The following SLC6A12 variants were observed in gnomAD, a reference collection of about 807,000 sequenced individuals.
SLC6A12 encodes the protein solute carrier family 6 member 12.
Under a neutral mutation model 73.3 loss-of-function variants are expected in SLC6A12, and 50 were observed. That is an observed-to-expected ratio of 0.68 (90% CI 0.54 to 0.86). The LOEUF (loss-of-function observed/expected upper bound fraction) is 0.86, where lower values mean the gene tolerates loss of function less well. Among genes scored for constraint, SLC6A12 ranks in the 40% least tolerant of loss-of-function variants. The probability of loss-of-function intolerance (pLI) is 0.00; values close to 1 mark genes in which losing one functional copy is unlikely to be tolerated. For missense variants in SLC6A12, 648 were observed against 772.8 expected, an observed-to-expected ratio of 0.84 and a Z score of 1.92; for synonymous variants, 304 against 309.2, an observed-to-expected ratio of 0.98 and a Z score of 0.18.
downstream of SLC6A12, among the ~76,000 whole-genome samples, chr12:187,534 A>G (rs547889344): frequency 7.0e-6 from 1 of 142,658 alleles, no homozygotes; most frequent in Admixed American, 7.3e-5. Context: ...GTTACACCTC[A>G]TAAAGGCAGA....
rs539852975 is a variant in SLC6A12 at position 210,077 on chromosome 12, C to A, written c.-57-34G>T. On this transcript the variant is annotated intron_variant, in intron 2 of 15. Transcript: ENST00000684302. Reference sequence around the variant, plus strand: ...AAGAGAAGAAATTAGCTGTAAAACCCGACATGCTCCCGCCAGCCCTGCTTT... The same window carrying A: ...AAGAGAAGAAATTAGCTGTAAAACCAGACATGCTCCCGCCAGCCCTGCTTT... The A allele has an allele frequency of 2.6e-6, 4 of 1,520,862 alleles. No homozygotes were observed. In the African/African-American group the frequency reaches 4.1e-5, roughly 16 times the overall value. The allele number at this position is 1,520,862 out of a possible 1,614,324, so 94.2% of individuals were successfully genotyped here. A position where few individuals can be genotyped will look rare whatever the true frequency, so the allele number is the denominator to read the frequency against.
intron 4 of SLC6A12, chr12:204,207 C>CAT: frequency 3.9e-6 from 1 of 257,586 alleles, no homozygotes; most frequent in South Asian, 5.8e-5. Context: ...GGAGGCACAG[C>CAT]ACCCCGGGAG....
At position 200,251 on chromosome 12, in the gene SLC6A12, G is replaced by C. The variant is rs1193228075; in HGVS notation, c.711+400C>G. On this transcript the variant is annotated intron_variant, in intron 7 of 15. Transcript: ENST00000684302. ...AGCCTCCTGCATAGCTGGGACTACA[G>C]GTGCCCACCACCACGCCCGGCTAAT... Among the ~76,000 whole-genome samples the C allele has an allele frequency of 5.3e-5, 8 of 150,856 alleles. No individual in the cohort carries two copies. The South Asian group carries it at 1.5e-3, about 28-fold the overall frequency.
At position 209,959 on chromosome 12, in the gene SLC6A12, A is replaced by G. The variant is rs557881; in HGVS notation, c.28T>C (p.Cys10Arg). MDGKVAVQE[C>R]GPPAVSWVPE... ...ACCCAGGAGACTGCAGGAGGCCCACACTCTTGCACTGCCACCTTCCCGTCC... is the reference window on the plus strand; with the variant it reads ...ACCCAGGAGACTGCAGGAGGCCCACGCTCTTGCACTGCCACCTTCCCGTCC... The change falls in exon 3 of 16, where the codon TGT becomes CGT. Residue 10 changes from cysteine (C) to arginine (R), a missense_variant. Cys to Arg is a radical substitution (Grantham distance 180, BLOSUM62 -3). Coordinates refer to ENST00000684302, the MANE Select transcript of SLC6A12 (RefSeq NM_001122848.3). The G allele has an allele frequency of 0.52, 844,966 of 1,613,410 alleles. 224,172 individuals carry two copies. Among genetic ancestry groups the G allele is most frequent in the African/African-American group, 0.7 (52,818 of 74,960 alleles).
chr12:192,447 T>C (rs1351746591), intron 15 of SLC6A12, 31 bp downstream of exon 15: 2 of 1,601,166 alleles, frequency 1.2e-6, no homozygotes, highest in South Asian at 2.2e-5. Context: ...GTGCCCTCCT[T>C]TAAGAGGTCA....
intron 9 of SLC6A12, 34 bp from the exon 10 acceptor site, chr12:197,535 G>A (rs939641953): frequency 5.0e-6 from 8 of 1,598,066 alleles, no homozygotes; most frequent in Non-Finnish European, 6.8e-6. Flanking sequence ...ACAGGAACGG[G>A]GAGGAAAAGA....
At chr12:201,567 T>A in intron 6 of SLC6A12, 195 bp downstream of exon 6, 1 of 574,402 alleles carries the variant, frequency 1.7e-6, no homozygotes, top group East Asian at 3.0e-5. Context: ...TAAATGTGAG[T>A]CTCCGTGGAC....
intron 6 of SLC6A12, 23 bp from the exon 7 acceptor site, chr12:200,806 T>C (rs1940219544): frequency 6.2e-7 from 1 of 1,610,282 alleles, no homozygotes; most frequent in East Asian, 2.2e-5. Context: ...GAAAAATAAG[T>C]AATGAGGGGA....
chr12:197,768 C>A (rs1939995016), intron 9 of SLC6A12, 132 bp downstream of exon 9: 1 of 684,448 alleles, frequency 1.5e-6, no homozygotes, highest in East Asian at 2.7e-5. Context: ...GGGAAAGGAA[C>A]CCATAAGTTC....
downstream of SLC6A12, among the ~76,000 whole-genome samples, chr12:185,892 G>A (rs558021256): frequency 2.1e-4 from 32 of 152,356 alleles, no homozygotes; most frequent in African/African-American, 6.5e-4. Flanking sequence ...TCCCATGGCC[G>A]CTGCATCAAT....
In SLC6A12 at chr12:201,653, G is replaced by A. The variant is rs1402014782; in HGVS notation, c.578+109C>T. 7 of 854,882 alleles carry A rather than the reference G, an allele frequency of 8.2e-6. No homozygotes were observed. In the East Asian group the frequency reaches 1.5e-4, roughly 18 times the overall value. 53.0% of individuals were successfully genotyped at this position (854,882 alleles called of 1,614,324 possible). ...GTTGGAGTGGGGCGGGGGAGGAAGTGCTGGAAAGCACACACAGAATCTTAA... is the reference window on the plus strand; with the variant it reads ...GTTGGAGTGGGGCGGGGGAGGAAGTACTGGAAAGCACACACAGAATCTTAA... On this transcript the variant is annotated intron_variant, in intron 6 of 15. Coordinates refer to ENST00000684302, the MANE Select transcript of SLC6A12 (RefSeq NM_001122848.3).
intron 3 of SLC6A12, among the ~76,000 whole-genome samples, chr12:207,122 C>T (rs982329006): frequency 1.3e-5 from 2 of 152,264 alleles, no homozygotes; most frequent in Non-Finnish European, 2.9e-5. Flanking sequence ...GTTTTTAGAA[C>T]GCTGACACTG....
intron 5 of SLC6A12, 69 bp from the exon 6 acceptor site, chr12:201,918 G>A: frequency 7.2e-7 from 1 of 1,387,198 alleles, no homozygotes; most frequent in Non-Finnish European, 1.0e-6. Context: ...CTGGCCCTCT[G>A]GCCTTGCAGC....
At chr12:186,485 G>C (rs1167476040), downstream of SLC6A12, among the ~76,000 whole-genome samples, 2 of 152,218 alleles carry the variant, frequency 1.3e-5, no homozygotes, top group Non-Finnish European at 2.9e-5. Context: ...GGGCCCACTT[G>C]GCTGGGCATT....
intron 13 of SLC6A12, 108 bp from the exon 14 acceptor site, chr12:193,485 G>A (rs1939712625): frequency 2.6e-6 from 2 of 759,760 alleles, no homozygotes; most frequent in Non-Finnish European, 4.4e-6. Context: ...CCCCCGCCCT[G>A]TGCAGGGAAA....
rs1168090804 is a variant in SLC6A12, at chr12:202,892, G to A, written c.350-12C>T. On this transcript the variant is annotated splice_polypyrimidine_tract_variant and intron_variant, in intron 4 of 15. Coordinates refer to ENST00000684302, the MANE Select transcript of SLC6A12 (RefSeq NM_001122848.3). ...TGCCAGACCAATGCCTTCCAGAGTG[G>A]GGGAGAGATGGGGAGGGACAAGAGA... 15 of 1,612,752 alleles carry A rather than the reference G, an allele frequency of 9.3e-6. No homozygotes were observed. Among genetic ancestry groups the A allele is most frequent in the Non-Finnish European group, 1.1e-5 (13 of 1,179,248 alleles).
Position 195,232 on chromosome 12 carries a change from C to T in SLC6A12, c.1422G>A (p.Trp474Ter). 1 of 1,605,672 alleles carries T rather than the reference C, an allele frequency of 6.2e-7. No homozygotes were observed. The highest frequency in any genetic ancestry group is 8.5e-7 in the Non-Finnish European group (1 of 1,172,288). The change falls in exon 13 of 16, where the codon TGG becomes TGA. Residue 474 changes from tryptophan to a stop codon, truncating the protein, a stop_gained. Transcript: ENST00000684302. LOFTEE classifies it high-confidence loss of function. ...LSLFEVVCIS[W>*]VYGADRFYDN... ...CCACTCCACCCCACTCACCATACACCCAGCTTATGCAGACCACTTCAAACA... is the reference window on the plus strand; with the variant it reads ...CCACTCCACCCCACTCACCATACACTCAGCTTATGCAGACCACTTCAAACA...
At chr12:184,729 G>C in the SLC6A12 span, among the ~76,000 whole-genome samples, 1 of 151,840 alleles carries the variant, frequency 6.6e-6, no homozygotes, top group South Asian at 2.1e-4. Context: ...TAGCCTGGGC[G>C]ACAGAGCAAG....
intron 13 of SLC6A12, among the ~76,000 whole-genome samples, chr12:193,586 C>A (rs1033323608): frequency 3.3e-5 from 5 of 152,272 alleles, no homozygotes; most frequent in African/African-American, 4.8e-5. Flanking sequence ...GCTGCCCCCA[C>A]ACACTGCTGC....
Sources: allele counts gnomAD v4.1 joint callset (sites outside exome capture counted in the v4.1 genomes callset), GRCh38; gene constraint gnomAD v4.1.1; transcripts MANE v1.5; gene names NCBI Gene and HGNC (gene_info 2026-07-23, HGNC 2026-07-21).